The following DDB1 variants were observed in gnomAD, a reference collection of about 807,000 sequenced individuals.
DDB1 encodes DNA damage-binding protein 1.
DDB1 carries 18 observed loss-of-function variants against 133.1 expected under a neutral mutation model. The ratio of observed to expected loss-of-function variants is 0.14; its 90% CI spans 0.09 to 0.20. The LOEUF is 0.20. Ranked by LOEUF, DDB1 falls within the 10% of genes least tolerant of loss-of-function variation. DDB1 has a pLI of 1.00. For missense variants in DDB1, 828 were observed against 1,459.2 expected, an observed-to-expected ratio of 0.57 and a Z score of 7.05; for synonymous variants, 580 against 550.5, an observed-to-expected ratio of 1.05 and a Z score of -0.75.
At chr11:61,302,144 G>A in intron 25 of DDB1, 113 bp downstream of exon 25, 1 of 908,972 alleles carries the variant, frequency 1.1e-6, no homozygotes, top group South Asian at 1.5e-5. Flanking sequence ...CAAAAAACCT[G>A]TTCTGTACAG....
chr11:61,316,450 C>T, intron 11 of DDB1, 42 bp downstream of exon 11: 6 of 1,613,952 alleles, frequency 3.7e-6, no homozygotes, highest in Non-Finnish European at 5.1e-6. Flanking sequence ...ACCTCACAAC[C>T]TTCTCACCAG....
chr11:61,302,300 G>T lies in DDB1; in HGVS notation c.3172C>A (p.Leu1058Ile), dbSNP rs747712060. Reference sequence around the variant, plus strand: ...CCCACACTTTTGATGACTTTATTGAGTCGATTCTGCATGTCCAGCAGGAGG... The same window carrying T: ...CCCACACTTTTGATGACTTTATTGATTCGATTCTGCATGTCCAGCAGGAGG... ...YNLLLDMQNR[L>I]NKVIKSVGKI... The change falls in exon 25 of 27, where the codon CTC (leucine) becomes ATC (isoleucine). Residue 1058 changes from leucine (L) to isoleucine (I), a missense_variant. This residue lies in a region of DDB1 where 116 missense variants were observed against 221.6 expected (regional missense o/e 0.52). Transcript: ENST00000301764. 1.9e-6 allele frequency: 3 copies of T among 1,614,184 alleles called. No homozygotes were observed. The Admixed American group carries it at 5.0e-5, about 27-fold the overall frequency.
At position 61,316,574 on chromosome 11, in the gene DDB1, C is replaced by G; in HGVS notation, c.1226-7G>C. The G allele has an allele frequency of 6.2e-7, 1 of 1,613,980 alleles. No individual in the cohort carries two copies. The highest frequency in any genetic ancestry group is 8.5e-7 in the Non-Finnish European group (1 of 1,179,994). ...GACCGCAGTGGCCATAATCCTGGAA[C>G]AAGGACCAAGGATTCAGATGCATAG... On this transcript the variant is annotated splice_polypyrimidine_tract_variant and splice_region_variant and intron_variant, in intron 10 of 26. Transcript: ENST00000301764.
Position 61,309,901 on chromosome 11 carries a change from G to C in DDB1, c.2461C>G (p.Leu821Val). The C allele has an allele frequency of 6.2e-7, 1 of 1,614,226 alleles. No individual in the cohort carries two copies. Among genetic ancestry groups the C allele is most frequent in the Non-Finnish European group, 8.5e-7 (1 of 1,180,050 alleles). The stretch of plus-strand genomic sequence containing the variant: ...AAGTAAGTGTTGGGGTCTTTGCCCA[G>C]CTTGCAGGAAACCAGACTGAGGGCA... ...EYALSLVSCK[L>V]GKDPNTYFIV... Residue 821 changes from leucine (L) to valine (V), a missense_variant, in exon 20 of 27, where the codon CTG (leucine) becomes GTG (valine). Physicochemically the swap from Leu to Val is conservative, Grantham distance 32. Coordinates refer to ENST00000301764, the MANE Select transcript of DDB1 (RefSeq NM_001923.5).
At chr11:61,331,496 C>G in intron 2 of DDB1, 47 bp downstream of exon 2, 1 of 1,595,458 alleles carries the variant, frequency 6.3e-7, no homozygotes, top group Non-Finnish European at 8.6e-7. Flanking sequence ...AAACAACCTA[C>G]GACCAACAGT....
chr11:61,306,414 C>T (rs991198663), intron 21 of DDB1, among the ~76,000 whole-genome samples: 13 of 152,196 alleles, frequency 8.5e-5, no homozygotes, highest in Admixed American at 8.5e-4. Flanking sequence ...TTAAGGCTCA[C>T]ACCACCAGAC....
chr11:61,301,838 T>C (rs535632821), intron 25 of DDB1: 2 of 165,416 alleles, frequency 1.2e-5, no homozygotes, highest in South Asian at 3.3e-4. Context: ...GGGTGGCAGA[T>C]TCTTTCAGTG....
intron 10 of DDB1, among the ~76,000 whole-genome samples, chr11:61,317,243 A>G (rs1220641239): frequency 6.6e-6 from 1 of 151,304 alleles, no homozygotes; most frequent in African/African-American, 2.4e-5. Context: ...CCTCCCGAGT[A>G]GCTGGGAAGG....
intron 10 of DDB1, among the ~76,000 whole-genome samples, chr11:61,320,881 CCT>C (rs928478533): frequency 6.6e-6 from 1 of 151,732 alleles, no homozygotes; most frequent in African/African-American, 2.4e-5. Context: ...CACTGTGTAG[CCT>C]CTCTTTTTTT....
At chr11:61,329,252 A>G (rs1856322098) in intron 4 of DDB1, 111 bp downstream of exon 4, 12 of 989,882 alleles carry the variant, frequency 1.2e-5, no homozygotes, top group Non-Finnish European at 1.9e-5. Context: ...TTCAGGACAA[A>G]CACATTAAAC....
At chr11:61,305,639 G>T (rs1855871582) in intron 21 of DDB1, among the ~76,000 whole-genome samples, 1 of 151,982 alleles carries the variant, frequency 6.6e-6, no homozygotes, top group African/African-American at 2.4e-5. Context: ...GAGTGAAGCG[G>T]GGGGCCTCAG....
intron 16 of DDB1, among the ~76,000 whole-genome samples, chr11:61,312,975 G>A (rs890140129): frequency 2.0e-5 from 3 of 152,076 alleles, no homozygotes; most frequent in African/African-American, 7.2e-5. Context: ...ACCATACCTG[G>A]CTAATTTTTG....
At chr11:61,323,378 G>A (rs1440789387) in intron 7 of DDB1, 3 of 377,776 alleles carry the variant, frequency 7.9e-6, no homozygotes, top group Non-Finnish European at 9.6e-6. Flanking sequence ...CTTTTTGGGA[G>A]CCTCCTCCCA....
At position 61,314,578 on chromosome 11, in the gene DDB1, C is replaced by T. The variant is rs551177662; in HGVS notation, c.1411-92G>A. On this transcript the variant is annotated intron_variant, in intron 12 of 26. Transcript: ENST00000301764. ...TGGTAAATGCAGCCCTAATAGAGCC[C>T]TACGAATAAGCTACATGAGGCTTCT... 3 of 1,274,842 alleles carry T rather than the reference C, an allele frequency of 2.4e-6. No homozygotes were observed. The African/African-American group carries it at 4.5e-5, about 19-fold the overall frequency. The allele number at this position is 1,274,842 out of a possible 1,614,324, so 79.0% of individuals were successfully genotyped here. A position where few individuals can be genotyped will look rare whatever the true frequency, so the allele number is the denominator to read the frequency against.
rs376717358 is a variant in DDB1, at chr11:61,323,949, T to C, written c.921+30A>G. ...GTGTCTTTAGGAACCTAAAAGAACATTGTAGAGGAACAGGGAGAACAAGCT... is the reference window on the plus strand; with the variant it reads ...GTGTCTTTAGGAACCTAAAAGAACACTGTAGAGGAACAGGGAGAACAAGCT... On this transcript the variant is annotated intron_variant, in intron 7 of 26. Coordinates refer to ENST00000301764, the MANE Select transcript of DDB1 (RefSeq NM_001923.5). 64 of 1,613,238 alleles carry C rather than the reference T, an allele frequency of 4.0e-5. No individual in the cohort carries two copies. In the Admixed American group the frequency reaches 4.3e-4, roughly 11 times the overall value.
In DDB1 at chr11:61,329,974, G is replaced by A. The variant is rs764479855; in HGVS notation, c.311C>T (p.Ala104Val). The change falls in exon 3 of 27, where the codon GCC becomes GTC. Residue 104 changes from alanine to valine, a missense_variant. Physicochemically the swap from Ala to Val is moderately conservative, Grantham distance 64 (BLOSUM62 0). Coordinates refer to ENST00000301764, the MANE Select transcript of DDB1 (RefSeq NM_001923.5). ...CCACCTCACCTGGACATTGCCATGG[G>A]CTCGCGTAATGATGTCAATGCTCTC... is the stretch of plus-strand genomic sequence containing the variant. ...SGESIDIITR[A>V]HGNVQDRIGR... 2 of 1,612,894 alleles carry A rather than the reference G, an allele frequency of 1.2e-6. No individual in the cohort carries two copies. Among genetic ancestry groups the A allele is most frequent in the South Asian group, 2.2e-5 (2 of 91,032 alleles).
At chr11:61,316,071 G>A in intron 12 of DDB1, 1 of 484,920 alleles carries the variant, frequency 2.1e-6, no homozygotes, top group South Asian at 4.0e-5. Context: ...TAAATACACA[G>A]ACATTTGCAG....
intron 16 of DDB1, among the ~76,000 whole-genome samples, chr11:61,313,236 C>T (rs1856008339): frequency 6.6e-6 from 1 of 152,142 alleles, no homozygotes; most frequent in South Asian, 2.1e-4. Flanking sequence ...ATGAAACAGT[C>T]ATCTGAATCA....
intron 21 of DDB1, among the ~76,000 whole-genome samples, chr11:61,305,072 T>C (rs530486968): frequency 4.3e-4 from 65 of 152,252 alleles, no homozygotes; most frequent in Non-Finnish European, 7.2e-4. Flanking sequence ...CCCTGGCAGA[T>C]CCTTCAGGAT....
Sources: allele counts gnomAD v4.1 joint callset (sites outside exome capture counted in the v4.1 genomes callset), GRCh38; gene constraint gnomAD v4.1.1; regional missense constraint gnomAD v4.1.1; transcripts MANE v1.5; gene names NCBI Gene and HGNC (gene_info 2026-07-23, HGNC 2026-07-21).